The following SULF2 variants were observed in gnomAD, a reference collection of about 807,000 sequenced individuals.
SULF2 encodes extracellular sulfatase Sulf-2.
Under a neutral mutation model 107.7 loss-of-function variants are expected in SULF2, and 52 were observed. The observed-to-expected ratio is 0.48, with a 90% CI of 0.39 to 0.61. The LOEUF (loss-of-function observed/expected upper bound fraction) is 0.61, where lower values mean the gene tolerates loss of function less well. SULF2 is among the 20% of genes least tolerant of loss of function. The probability of loss-of-function intolerance (pLI) is 0.00; values close to 1 mark genes in which losing one functional copy is unlikely to be tolerated. For missense variants in SULF2, 993 were observed against 1,177.3 expected, an observed-to-expected ratio of 0.84 and a Z score of 2.29; for synonymous variants, 460 against 464.3, an observed-to-expected ratio of 0.99 and a Z score of 0.12.
intron 3 of SULF2, among the ~76,000 whole-genome samples, chr20:47,720,818 G>A (rs1482752445): frequency 6.6e-6 from 1 of 152,148 alleles, no homozygotes; most frequent in African/African-American, 2.4e-5. Context: ...TTGGCTTCCT[G>A]GGGCTCCCGG....
At chr20:47,695,540 C>T (rs963635967) in intron 4 of SULF2, among the ~76,000 whole-genome samples, 1 of 152,174 alleles carries the variant, frequency 6.6e-6, no homozygotes, top group Middle Eastern at 3.2e-3. Flanking sequence ...CAGTATTTGT[C>T]CTTCTGTGTC....
In SULF2 at chr20:47,683,092, G is replaced by A. The variant is rs760160044; in HGVS notation, c.966C>T (p.Ile322=). ...TCCCTTTCACCAGGCCAAACTGGCCGATGTGGTAACCGTGGTCGGCGGTGT... is the reference window on the plus strand; with the variant it reads ...TCCCTTTCACCAGGCCAAACTGGCCAATGTGGTAACCGTGGTCGGCGGTGT... The part of the protein sequence containing the change: ...IVYTADHGYH[I]GQFGLVKGKS... The change falls in exon 7 of 21, where the codon ATC becomes ATT. Residue 322 remains isoleucine, a synonymous_variant. Transcript: ENST00000688720. The A allele has an allele frequency of 1.5e-5, 25 of 1,613,554 alleles. No individual in the cohort carries two copies. The highest frequency in any genetic ancestry group is 4.0e-5 in the African/African-American group (3 of 74,924).
chr20:47,669,679 A>G lies in SULF2; in HGVS notation c.1576+2519T>C, dbSNP rs371258753. The stretch of plus-strand genomic sequence containing the variant: ...CGTGACCCAGTCTTTCCTGTCCATC[A>G]TCCCCTGATGATCACCCCTGCCCTG... On this transcript the variant is annotated intron_variant, in intron 11 of 20. Coordinates refer to ENST00000688720, the MANE Select transcript of SULF2 (RefSeq NM_001387048.1). Among the ~76,000 whole-genome samples the G allele has an allele frequency of 6.6e-5, 10 of 152,274 alleles. 2 individuals carry two copies. Among genetic ancestry groups the G allele is most frequent in the African/African-American group, 2.4e-4 (10 of 41,550 alleles).
At chr20:47,723,061 C>T (rs903015784) in intron 3 of SULF2, among the ~76,000 whole-genome samples, 3 of 151,416 alleles carry the variant, frequency 2.0e-5, no homozygotes, top group Non-Finnish European at 2.9e-5. Context: ...AGCAAGACTC[C>T]GTCTCAAAAA....
At position 47,664,192 on chromosome 20, in the gene SULF2, G is replaced by A. The variant is rs368194616; in HGVS notation, c.1998-3C>T. 7 of 1,611,098 alleles carry A rather than the reference G, an allele frequency of 4.3e-6. No individual in the cohort carries two copies. The highest frequency in any genetic ancestry group is 2.2e-5 in the East Asian group (1 of 44,876). ...GGCCTTTGTGCTGGGTGTGGTAGCT[G>A]TAACAGACCCCCCCAGCCCCAGGCT... On this transcript the variant is annotated splice_region_variant and splice_polypyrimidine_tract_variant and intron_variant, in intron 14 of 20. Transcript: ENST00000688720.
chr20:47,703,690 C>T (rs4572652), intron 3 of SULF2, among the ~76,000 whole-genome samples: 60,717 of 152,056 alleles, frequency 0.4, 12,442 homozygotes, highest in African/African-American at 0.48. Flanking sequence ...TATTCATACA[C>T]TCACCTAAAC....
chr20:47,757,427 T>TCAAG lies in SULF2; in HGVS notation c.-65_-64insCTTG. The stretch of plus-strand genomic sequence containing the variant: ...GGGAGTCTCAAGTTGCGTCTGTGGC[T>TCAAG]TTGTTTCTTTTCCCTCGTCCCTCTT... On this transcript the variant is annotated 5_prime_UTR_variant, in exon 2 of 21. Transcript: ENST00000688720. The TCAAG allele has an allele frequency of 6.7e-7, 1 of 1,488,226 alleles. No individual in the cohort carries two copies. The highest frequency in any genetic ancestry group is 2.5e-5 in the East Asian group (1 of 40,292). 92.2% of individuals were successfully genotyped at this position (1,488,226 alleles called of 1,614,324 possible).
Position 47,678,804 on chromosome 20 carries a change from C to T in SULF2, c.1065G>A (p.Leu355=), listed in dbSNP as rs751675006. The stretch of plus-strand genomic sequence containing the variant: ...CAATGTTGAGGACGATGTGGGGATT[C>T]CTGGGGGAGGCAGGAGATCGGGGAC... ...VRGPNVEAGC[L]NPHIVLNIDL... Residue 355 remains leucine, a splice_region_variant and synonymous_variant, in exon 8 of 21, where the codon CTG becomes CTA. Coordinates refer to ENST00000688720, the MANE Select transcript of SULF2 (RefSeq NM_001387048.1). This position sits in a 1 kb window ranked among gnomAD's most constrained non-coding sequence, Gnocchi z 4.5. The T allele has an allele frequency of 1.9e-6, 3 of 1,613,000 alleles. No homozygotes were observed. In the Admixed American group the frequency reaches 5.0e-5, roughly 27 times the overall value.
intron 10 of SULF2, among the ~76,000 whole-genome samples, chr20:47,674,632 C>CAG (rs2087581633): frequency 6.6e-6 from 1 of 152,220 alleles, no homozygotes; most frequent in Non-Finnish European, 1.5e-5. Flanking sequence ...GGGAGACAGA[C>CAG]AGATGCACAT....
At chr20:47,720,862 C>A (rs1302022079) in intron 3 of SULF2, among the ~76,000 whole-genome samples, 1 of 152,180 alleles carries the variant, frequency 6.6e-6, no homozygotes, top group Non-Finnish European at 1.5e-5. Context: ...ATTAACCTAG[C>A]AGGGGAGCTG....
intron 1 of SULF2, among the ~76,000 whole-genome samples, chr20:47,761,737 T>C (rs909553488): frequency 1.3e-5 from 2 of 152,220 alleles, no homozygotes; most frequent in Non-Finnish European, 2.9e-5. Flanking sequence ...AGACAAACTC[T>C]AGCCATCGAA....
rs2087932738 is a variant in SULF2, at chr20:47,684,517, T to C, written c.802A>G (p.Met268Val). 3.1e-6 allele frequency: 5 copies of C among 1,614,158 alleles called. No homozygotes were observed. Among genetic ancestry groups the C allele is most frequent in the South Asian group, 2.2e-5 (2 of 91,088 alleles). The change falls in exon 6 of 21, where the codon ATG becomes GTG. Residue 268 changes from methionine to valine, a missense_variant. Met to Val is a conservative substitution (Grantham distance 21). Transcript: ENST00000688720. ...GTGAATTCCATGTGGATGGGCTTCA[T>C]GGGCCCCGTGTAGCGCATGATCCAG... ...KHWIMRYTGP[M>V]KPIHMEFTNM...
intron 2 of SULF2, among the ~76,000 whole-genome samples, chr20:47,742,974 A>G (rs2089924956): frequency 9.3e-6 from 1 of 107,328 alleles, no homozygotes; most frequent in Non-Finnish European, 1.7e-5. Context: ...CCTGAGGCTT[A>G]GGTGGCTCCT....
chr20:47,662,894 A>AGCAGGGTGATGGAGGCAAAAAGC (rs71183271), intron 17 of SULF2, among the ~76,000 whole-genome samples, 176 bp downstream of exon 17: 10 of 152,024 alleles, frequency 6.6e-5, no homozygotes, highest in Non-Finnish European at 1.2e-4. Flanking sequence ...GGAGGCAAAA[A>AGCAGGGTGATGGAGGCAAAAAGC]AGGCTGATTG....
rs143955785 is a variant in SULF2 at position 47,744,197 on chromosome 20, T to G, written c.176-7255A>C. On this transcript the variant is annotated intron_variant, in intron 2 of 20. Coordinates refer to ENST00000688720, the MANE Select transcript of SULF2 (RefSeq NM_001387048.1). ...TTTGCTTGTGTAATTTTATTGATTGTTTTGAGATGGAGTCTCCCTCTGTCT... is the reference window on the plus strand; with the variant it reads ...TTTGCTTGTGTAATTTTATTGATTGGTTTGAGATGGAGTCTCCCTCTGTCT... 4.2e-3 allele frequency among the ~76,000 whole-genome samples: 637 copies of G among 152,264 alleles called. 8 individuals are homozygous for G. Among genetic ancestry groups the G allele is most frequent in the Non-Finnish European group, 6.4e-3 (432 of 68,014 alleles).
At chr20:47,717,821 T>TC (rs1007035022) in intron 3 of SULF2, among the ~76,000 whole-genome samples, 99 of 151,078 alleles carry the variant, frequency 6.6e-4, no homozygotes, top group East Asian at 3.3e-3. Context: ...TAATTTTTTT[T>TC]TTTTTTTTTT....
At chr20:47,714,429 C>A (rs981044409) in intron 3 of SULF2, among the ~76,000 whole-genome samples, 1 of 152,138 alleles carries the variant, frequency 6.6e-6, no homozygotes, top group African/African-American at 2.4e-5. Flanking sequence ...TCACATATGT[C>A]CCAGCAGCTT....
At chr20:47,665,147 C>T in intron 14 of SULF2, 52 bp downstream of exon 14, 2 of 1,160,948 alleles carry the variant, frequency 1.7e-6, no homozygotes, top group Non-Finnish European at 2.6e-6. Flanking sequence ...ATGAACTGAA[C>T]TGTCCTGTAG....
At chr20:47,692,637 T>A (rs1389470615) in intron 4 of SULF2, among the ~76,000 whole-genome samples, 1 of 152,066 alleles carries the variant, frequency 6.6e-6, no homozygotes, top group East Asian at 1.9e-4. Flanking sequence ...GTCTTGAGTA[T>A]CTAACAGTGG....
Sources: gnomAD v4.1 joint callset for allele counts (sites outside exome capture counted in the v4.1 genomes callset) on GRCh38, gnomAD v4.1.1 for gene constraint, Gnocchi (gnomAD v3.1) non-coding constraint, MANE v1.5 for transcripts, NCBI Gene and HGNC (gene_info 2026-07-23, HGNC 2026-07-21) for gene names.